Variants in UBR4 observed in about 807,000 individuals in gnomAD.
UBR4 encodes the protein ubiquitin protein ligase E3 component n-recognin 4.
UBR4 carries 124 observed loss-of-function variants against 575.6 expected under a neutral mutation model. The ratio of observed to expected loss-of-function variants is 0.22; its 90% CI spans 0.19 to 0.25. The LOEUF is 0.25. Ranked by LOEUF, UBR4 falls within the 10% of genes least tolerant of loss-of-function variation. The pLI is 1.00. For synonymous variants in UBR4, 2,455 were observed against 2,473.7 expected (o/e 0.99, Z 0.22); for missense variants, 4,818 against 6,478.8 (o/e 0.74, Z 8.80).
chr1:19,189,203 GAAATGGGCATAT>G (rs918465340), intron 11 of UBR4, among the ~76,000 whole-genome samples: 2 of 151,820 alleles, frequency 1.3e-5, no homozygotes, highest in Non-Finnish European at 2.9e-5. Context: ...AGAGCATGGG[GAAATGGGCATAT>G]AAGCACACAG....
chr1:19,137,906 G>A, intron 60 of UBR4, 101 bp downstream of exon 60: 2 of 1,213,530 alleles, frequency 1.6e-6, no homozygotes, highest in Non-Finnish European at 2.2e-6. Flanking sequence ...AAAGAAATAT[G>A]CTGTTATCAC....
chr1:19,120,340 A>C lies in UBR4; in HGVS notation c.10150T>G (p.Ser3384Ala). 6.2e-7 allele frequency: 1 copy of C among 1,614,144 alleles called. No individual in the cohort carries two copies. Among genetic ancestry groups the C allele is most frequent in the Non-Finnish European group, 8.5e-7 (1 of 1,179,994 alleles). ...EKEKEKDGETSGSQEDQLCTA... is the reference protein window; with the variant it reads ...EKEKEKDGETAGSQEDQLCTA... The stretch of plus-strand genomic sequence containing the variant: ...CACAGCTGGTCCTCCTGGCTGCCAG[A>C]GGTCTCACCTGCAAGATTAGGACAG... The change falls in exon 69 of 106, where the codon TCT (serine) becomes GCT (alanine). Residue 3384 changes from serine (S) to alanine (A), a missense_variant. Coordinates refer to ENST00000375254, the MANE Select transcript of UBR4 (RefSeq NM_020765.3).
intron 49 of UBR4, chr1:19,149,814 A>T (rs983854697): frequency 1.7e-4 from 91 of 545,588 alleles, no homozygotes; most frequent in Non-Finnish European, 2.3e-4. Context: ...AGAAGCAAAG[A>T]AAAAAAAAAA....
intron 43 of UBR4, 138 bp from the exon 44 acceptor site, chr1:19,155,213 C>G: frequency 7.8e-7 from 1 of 1,280,360 alleles, no homozygotes; most frequent in Non-Finnish European, 1.1e-6. Context: ...GTAAATCTTA[C>G]AAAGACCCTG....
chr1:19,084,827 T>C (rs1299507327), intron 101 of UBR4, 129 bp from the exon 102 acceptor site: 11 of 901,830 alleles, frequency 1.2e-5, no homozygotes, highest in Admixed American at 3.2e-5. Flanking sequence ...GAGACAAGAA[T>C]ACAAGGGAAA....
At chr1:19,145,969 A>C in intron 52 of UBR4, 36 bp from the exon 53 acceptor site, 1 of 1,612,730 alleles carries the variant, frequency 6.2e-7, no homozygotes, top group Non-Finnish European at 8.5e-7. Flanking sequence ...ACGATGGTAA[A>C]TCTGAGATGG....
intron 39 of UBR4, 151 bp from the exon 40 acceptor site, chr1:19,158,148 G>T: frequency 1.4e-6 from 1 of 701,726 alleles, no homozygotes; most frequent in Non-Finnish European, 2.3e-6. Flanking sequence ...CTGTGTAAAT[G>T]TGTTAAAGTT....
At position 19,107,035 on chromosome 1, in the gene UBR4, G is replaced by A. The variant is rs577990236; in HGVS notation, c.12106-69C>T. ...ACCTGAGCCATAGCCCCAACAGCATGGCACTGGTGCCCCAGGGGGTGATGT... is the reference window on the plus strand; with the variant it reads ...ACCTGAGCCATAGCCCCAACAGCATAGCACTGGTGCCCCAGGGGGTGATGT... On this transcript the variant is annotated intron_variant, in intron 81 of 105. Transcript: ENST00000375254. The A allele has an allele frequency of 4.7e-5, 74 of 1,583,392 alleles. 1 individual carries two copies. The South Asian group carries it at 7.5e-4, about 16-fold the overall frequency.
chr1:19,099,705 G>T, intron 89 of UBR4, 28 bp from the exon 90 acceptor site: 1 of 1,596,666 alleles, frequency 6.3e-7, no homozygotes, highest in Non-Finnish European at 8.6e-7. Flanking sequence ...TGAAGCTGTT[G>T]TTCCAAATAA....
intron 83 of UBR4, 58 bp from the exon 84 acceptor site, chr1:19,105,900 C>T (rs955232614): frequency 7.4e-7 from 1 of 1,353,480 alleles, no homozygotes; most frequent in East Asian, 2.7e-5. Context: ...CCTCACCAGG[C>T]CCCCAGCAGG....
intron 1 of UBR4, among the ~76,000 whole-genome samples, chr1:19,205,321 C>T (rs1045975791): frequency 1.3e-5 from 2 of 152,114 alleles, no homozygotes; most frequent in African/African-American, 4.8e-5. Context: ...TGAGGAGGGG[C>T]ATCATAAAAG....
chr1:19,173,137 T>C (rs1571434511), intron 24 of UBR4, 44 bp from the exon 25 acceptor site: 3 of 1,613,950 alleles, frequency 1.9e-6, no homozygotes, highest in Non-Finnish European at 2.5e-6. Flanking sequence ...CAATGGGCTA[T>C]GGTAGAAACC....
intron 102 of UBR4, chr1:19,081,948 A>G (rs1247479050): frequency 3.4e-6 from 2 of 595,862 alleles, no homozygotes; most frequent in Non-Finnish European, 6.0e-6. Context: ...TGACTTGCCC[A>G]AAGTCAGCAA....
At position 19,100,274 on chromosome 1, in the gene UBR4, G is replaced by T; in HGVS notation, c.13221+102C>A. 7.5e-7 allele frequency: 1 copy of T among 1,326,786 alleles called. No homozygotes were observed. Among genetic ancestry groups the T allele is most frequent in the Non-Finnish European group, 1.1e-6 (1 of 938,510 alleles). 82.2% of individuals were successfully genotyped at this position (1,326,786 alleles called of 1,614,324 possible). A position where few individuals can be genotyped will look rare whatever the true frequency, so the allele number is the denominator to read the frequency against. ...AGAGTGGAGAAACTGAAGGCCACCT[G>T]CCCCAAGTTAATCAGCTACTAGGAA... On this transcript the variant is annotated intron_variant, in intron 89 of 105. Transcript: ENST00000375254. This position sits in a 1 kb window ranked among gnomAD's most constrained non-coding sequence, Gnocchi z 4.2.
chr1:19,122,258 C>G (rs982149383), intron 66 of UBR4, among the ~76,000 whole-genome samples: 2 of 152,196 alleles, frequency 1.3e-5, no homozygotes, highest in Admixed American at 1.3e-4. Flanking sequence ...GCGCTGTTTT[C>G]AGGAACCTTC....
chr1:19,099,450 T>C (rs1401218278), intron 90 of UBR4, 147 bp downstream of exon 90: 8 of 647,918 alleles, frequency 1.2e-5, no homozygotes, highest in Non-Finnish European at 2.1e-5. Flanking sequence ...ATTGGTTTTC[T>C]CCACACAACC....
chr1:19,076,983 C>T, intron 104 of UBR4, 81 bp from the exon 105 acceptor site: 1 of 1,461,000 alleles, frequency 6.8e-7, no homozygotes, highest in Non-Finnish European at 9.2e-7. Flanking sequence ...CAGGCCATTT[C>T]AACCCCTCAA....
chr1:19,147,112 A>G, intron 51 of UBR4, 112 bp from the exon 52 acceptor site: 1 of 1,225,660 alleles, frequency 8.2e-7, no homozygotes. Context: ...TCTCAAGAGA[A>G]CAGGCCAATG....
intron 14 of UBR4, among the ~76,000 whole-genome samples, chr1:19,185,594 G>C (rs2091452605): frequency 7.7e-6 from 1 of 130,174 alleles, no homozygotes; most frequent in Non-Finnish European, 1.6e-5. Flanking sequence ...TTTTTTTTGA[G>C]AGGGAGTCTC....
Sources: allele counts gnomAD v4.1 joint callset (sites outside exome capture counted in the v4.1 genomes callset), GRCh38; gene constraint gnomAD v4.1.1; non-coding constraint Gnocchi (gnomAD v3.1); transcripts MANE v1.5; gene names NCBI Gene and HGNC (gene_info 2026-07-23, HGNC 2026-07-21).